The following ASAP3 variants were observed in gnomAD, a reference collection of about 807,000 sequenced individuals.
ASAP3 encodes arf-GAP with SH3 domain, ANK repeat and PH domain-containing protein 3.
Under a neutral mutation model 118.2 loss-of-function variants are expected in ASAP3, and 85 were observed. That is an observed-to-expected ratio of 0.72 (90% confidence interval 0.60 to 0.86). The LOEUF is 0.86. Ranked by LOEUF, ASAP3 falls within the 40% of genes least tolerant of loss-of-function variation. The probability of loss-of-function intolerance (pLI) is 0.00; values close to 1 mark genes in which losing one functional copy is unlikely to be tolerated. For missense variants in ASAP3, 1,026 were observed against 1,175.0 expected (o/e 0.87, Z 1.85); for synonymous variants, 432 against 477.4 (o/e 0.90, Z 1.24).
intron 1 of ASAP3, among the ~76,000 whole-genome samples, chr1:23,462,393 G>C (rs769561344): frequency 6.6e-6 from 1 of 151,630 alleles, no homozygotes; most frequent in African/African-American, 2.4e-5. Flanking sequence ...TACCATTCCC[G>C]TCCCTACTGC....
Position 23,436,204 on chromosome 1 carries a change from C to A in ASAP3, c.1572-176G>T, listed in dbSNP as rs1640648231. Among the ~76,000 whole-genome samples the A allele has an allele frequency of 6.6e-6, 1 of 152,180 alleles. No individual in the cohort carries two copies. Among genetic ancestry groups the A allele is most frequent in the Non-Finnish European group, 1.5e-5 (1 of 68,034 alleles). On this transcript the variant is annotated intron_variant, in intron 16 of 24. Transcript: ENST00000336689. The surrounding 1 kb of genome is among the most constrained non-coding windows in gnomAD (Gnocchi z 4.2). ...TTTTTAGACAGTCTCACTCTATTGCCCAGGAGGGAGTGCAGTGGCGCAATC... is the reference window on the plus strand; with the variant it reads ...TTTTTAGACAGTCTCACTCTATTGCACAGGAGGGAGTGCAGTGGCGCAATC...
intron 1 of ASAP3, among the ~76,000 whole-genome samples, chr1:23,456,681 C>T (rs950954144): frequency 1.3e-5 from 2 of 152,146 alleles, no homozygotes; most frequent in Non-Finnish European, 2.9e-5. Context: ...GGAGAACACA[C>T]ACATCTCTAT....
intron 1 of ASAP3, among the ~76,000 whole-genome samples, chr1:23,471,686 T>C (rs1429909406): frequency 2.6e-5 from 4 of 152,182 alleles, no homozygotes; most frequent in African/African-American, 9.7e-5. Context: ...CTGATAGATG[T>C]TCCCCATCTG....
At position 23,430,067 on chromosome 1, in the gene ASAP3, G is replaced by A. The variant is rs185532287; in HGVS notation, c.2638-137C>T. ...TTTACAGACAAAGAAACTGAGGCTT[G>A]AGGAAGTGAAGCCACTTATCCAAAG... On this transcript the variant is annotated intron_variant, in intron 24 of 24. Coordinates refer to ENST00000336689, the MANE Select transcript of ASAP3 (RefSeq NM_017707.4). 20 of 783,046 alleles carry A rather than the reference G, an allele frequency of 2.6e-5. No homozygotes were observed. The Middle Eastern group carries it at 1.1e-3, about 45-fold the overall frequency. The allele number at this position is 783,046 out of a possible 1,614,324, so 48.5% of individuals were successfully genotyped here.
At chr1:23,462,765 CA>C (rs1641638577) in intron 1 of ASAP3, among the ~76,000 whole-genome samples, 1 of 146,250 alleles carries the variant, frequency 6.8e-6, no homozygotes, top group Non-Finnish European at 1.6e-5. Flanking sequence ...TCTCAAAAAA[CA>C]AACAAAAAAG....
In ASAP3 at chr1:23,433,632, C is replaced by T. The variant is rs759006032; in HGVS notation, c.2013G>A (p.Glu671=). 3.1e-6 allele frequency: 5 copies of T among 1,614,150 alleles called. No homozygotes were observed. In the African/African-American group the frequency reaches 6.7e-5, roughly 22 times the overall value. Residue 671 remains glutamate, a synonymous_variant, in exon 20 of 25, where the codon GAG becomes GAA. Coordinates refer to ENST00000336689, the MANE Select transcript of ASAP3 (RefSeq NM_017707.4). ...IARKKHHKEC[E]ELLEQAQAGT... ...TGCCTCCCCGAGTCCTCACCAGCTC[C>T]TCACACTCCTTGTGGTGCTTCTTCC...
At chr1:23,457,890 G>A (rs1445271685) in intron 1 of ASAP3, among the ~76,000 whole-genome samples, 1 of 152,190 alleles carries the variant, frequency 6.6e-6, no homozygotes, top group Non-Finnish European at 1.5e-5. Context: ...TCTCAGGGTT[G>A]GTATGAGGGC....
chr1:23,431,883 G>T lies in ASAP3; in HGVS notation c.2359C>A (p.Pro787Thr). 6.2e-7 allele frequency: 1 copy of T among 1,609,054 alleles called. No individual in the cohort carries two copies. Residue 787 changes from proline (P) to threonine (T), a missense_variant, in exon 23 of 25, where the codon CCT becomes ACT. Coordinates refer to ENST00000336689, the MANE Select transcript of ASAP3 (RefSeq NM_017707.4). ...CTGCCCAGGCTCTCAGGGGTCTCAG[G>T]GGCCTCTGAACTCAGGCTGGAGACT... Reference protein sequence around the residue: ...SEVSSLSSEAPETPESLGSPA... With the variant: ...SEVSSLSSEATETPESLGSPA...
chr1:23,429,849 C>T lies in ASAP3; in HGVS notation c.*7G>A, dbSNP rs1355210067. ...CTAGCATGGGGCATGTGGGGGCCAGCAAGGAGCTAGTCTTGCAAAAGTTGC... is the reference window on the plus strand; with the variant it reads ...CTAGCATGGGGCATGTGGGGGCCAGTAAGGAGCTAGTCTTGCAAAAGTTGC... On this transcript the variant is annotated 3_prime_UTR_variant, in exon 25 of 25. Coordinates refer to ENST00000336689, the MANE Select transcript of ASAP3 (RefSeq NM_017707.4). The T allele has an allele frequency of 6.2e-7, 1 of 1,612,864 alleles. No individual in the cohort carries two copies. The highest frequency in any genetic ancestry group is 8.5e-7 in the Non-Finnish European group (1 of 1,179,446).
rs561752132 is a variant in ASAP3 at position 23,447,233 on chromosome 1, T to G, written c.473+4246A>C. On this transcript the variant is annotated intron_variant, in intron 5 of 24. Coordinates refer to ENST00000336689, the MANE Select transcript of ASAP3 (RefSeq NM_017707.4). ...ACCTGCCATTAGTCATTCAGTAGCCTTCTTGGTTATCAGATTAGCTGTTTT... is the reference window on the plus strand; with the variant it reads ...ACCTGCCATTAGTCATTCAGTAGCCGTCTTGGTTATCAGATTAGCTGTTTT... Among the ~76,000 whole-genome samples, 16 of 152,294 alleles carry G rather than the reference T, an allele frequency of 1.1e-4. No individual in the cohort carries two copies. In the East Asian group the frequency reaches 2.1e-3, roughly 20 times the overall value.
At position 23,437,193 on chromosome 1, in the gene ASAP3, G is replaced by C. The variant is rs1017856685; in HGVS notation, c.1279C>G (p.Leu427Val). The C allele has an allele frequency of 3.1e-6, 5 of 1,606,556 alleles. No individual in the cohort carries two copies. The highest frequency in any genetic ancestry group is 3.4e-6 in the Non-Finnish European group (4 of 1,176,908). Reference protein sequence around the residue: ...HDGEPHDLTKLLIAEVKSRPG... With the variant: ...HDGEPHDLTKVLIAEVKSRPG... ...CTGCTCTTCACCTCCGCGATGAGCA[G>C]CTTTGTGAGGTCGTGCGGCTCCCCA... The change falls in exon 14 of 25, where the codon CTG becomes GTG. Residue 427 changes from leucine to valine, a missense_variant. Leu to Val is a conservative substitution (Grantham distance 32). Transcript: ENST00000336689. This position sits in a 1 kb window ranked among gnomAD's most constrained non-coding sequence, Gnocchi z 6.1.
Position 23,441,146 on chromosome 1 carries a change from C to A in ASAP3, c.900G>T (p.Gln300His). ...GAAAGCCCACTTTCTCCGTCCCAAA[C>A]TGCTTGTTGCCTTGGTGCTGGTGGA... Reference protein sequence around the residue: ...YSIHQHQGNKQFGTEKVGFLY... With the variant: ...YSIHQHQGNKHFGTEKVGFLY... The change falls in exon 10 of 25, where the codon CAG (glutamine) becomes CAT (histidine). Residue 300 changes from glutamine to histidine, a missense_variant. By Grantham distance (24) the Gln-to-His change is conservative. Transcript: ENST00000336689. 6.2e-7 allele frequency: 1 copy of A among 1,614,218 alleles called. No homozygotes were observed. The highest frequency in any genetic ancestry group is 8.5e-7 in the Non-Finnish European group (1 of 1,180,036).
Position 23,436,372 on chromosome 1 carries a change from G to C in ASAP3, c.1571+188C>G, listed in dbSNP as rs755422234. Among the ~76,000 whole-genome samples, 4 of 152,116 alleles carry C rather than the reference G, an allele frequency of 2.6e-5. No homozygotes were observed. Among genetic ancestry groups the C allele is most frequent in the African/African-American group, 4.8e-5 (2 of 41,410 alleles). On this transcript the variant is annotated intron_variant, in intron 16 of 24. Coordinates refer to ENST00000336689, the MANE Select transcript of ASAP3 (RefSeq NM_017707.4). This position sits in a 1 kb window ranked among gnomAD's most constrained non-coding sequence, Gnocchi z 4.2. ...CAGGCGGGGTTTTGCCATCTTAGCC[G>C]GGCTGGTCTCAAATTCCTGACCTCA... is the stretch of plus-strand genomic sequence containing the variant.
chr1:23,476,834 C>A (rs1003233947), intron 1 of ASAP3, among the ~76,000 whole-genome samples: 6 of 152,156 alleles, frequency 3.9e-5, no homozygotes, highest in African/African-American at 1.4e-4. Flanking sequence ...TCTGGAGCAC[C>A]CCCATACCAT....
At chr1:23,467,144 G>A (rs4648905) in intron 1 of ASAP3, among the ~76,000 whole-genome samples, 10,718 of 151,724 alleles carry the variant, frequency 0.071, 714 homozygotes, top group South Asian at 0.23. Context: ...GACTACAGGC[G>A]TGAGCCACCT....
At chr1:23,469,801 A>G (rs1641901859) in intron 1 of ASAP3, among the ~76,000 whole-genome samples, 1 of 152,198 alleles carries the variant, frequency 6.6e-6, no homozygotes, top group Non-Finnish European at 1.5e-5. Flanking sequence ...TAGGTTAGGC[A>G]GTTTGCTCAA....
chr1:23,459,244 T>C (rs77618261), intron 1 of ASAP3, among the ~76,000 whole-genome samples: 9,996 of 150,630 alleles, frequency 0.066, 1,061 homozygotes, highest in African/African-American at 0.22. Flanking sequence ...GGCAGATCCA[T>C]GTACCTAGCA....
At chr1:23,465,863 T>C (rs1641751495) in intron 1 of ASAP3, among the ~76,000 whole-genome samples, 1 of 152,178 alleles carries the variant, frequency 6.6e-6, no homozygotes, top group Non-Finnish European at 1.5e-5. Flanking sequence ...TCCCCATCTC[T>C]AAGCTGCCCC....
In ASAP3 at chr1:23,477,296, GA is replaced by G. The variant is rs550187581; in HGVS notation, c.129+6708del. On this transcript the variant is annotated intron_variant, in intron 1 of 24. Coordinates refer to ENST00000336689, the MANE Select transcript of ASAP3 (RefSeq NM_017707.4). ...GGAGGCTGAGGCAGGAGAATCACTT[GA>G]ACCCAGGAGACAGAGGTTGCAGTGA... Among the ~76,000 whole-genome samples the G allele has an allele frequency of 4.3e-3, 612 of 141,002 alleles. 4 individuals carry two copies. The highest frequency in any genetic ancestry group is 4.6e-3 in the Non-Finnish European group (302 of 66,290). 92.5% of individuals were successfully genotyped at this position (141,002 alleles called of 152,430 possible).
Sources: allele counts gnomAD v4.1 joint callset (sites outside exome capture counted in the v4.1 genomes callset), GRCh38; gene constraint gnomAD v4.1.1; non-coding constraint Gnocchi (gnomAD v3.1); transcripts MANE v1.5; gene names NCBI Gene and HGNC (gene_info 2026-07-23, HGNC 2026-07-21).